LRRTM4: variants seen among roughly 807,000 people sequenced by gnomAD.
LRRTM4 encodes the protein leucine rich repeat transmembrane neuronal 4.
In LRRTM4, 25 loss-of-function variants were observed where a neutral mutation model predicts 47.6. The ratio of observed to expected loss-of-function variants is 0.53; its 90% CI spans 0.38 to 0.73. The LOEUF is 0.73. Ranked by LOEUF, LRRTM4 falls within the 30% of genes least tolerant of loss-of-function variation. The pLI is 0.00. For missense variants in LRRTM4, 638 were observed against 713.4 expected, an observed-to-expected ratio of 0.89 and a Z score of 1.20; for synonymous variants, 311 against 269.5, an observed-to-expected ratio of 1.15 and a Z score of -1.51.
Position 76,907,625 on chromosome 2 carries a change from A to T in LRRTM4, c.1552-158709T>A, listed in dbSNP as rs892525275. On this transcript the variant is annotated intron_variant, in intron 3 of 3. Coordinates refer to ENST00000409884, the MANE Select transcript of LRRTM4 (RefSeq NM_001134745.3). Reference sequence around the variant, plus strand: ...ACTAATAAAGAAAAAAAGAGAGAAGAATCAAATAGACGCAATAAAAAATGA... The same window carrying T: ...ACTAATAAAGAAAAAAAGAGAGAAGTATCAAATAGACGCAATAAAAAATGA... 3.9e-5 allele frequency among the ~76,000 whole-genome samples: 5 copies of T among 129,136 alleles called. 1 individual carries two copies. The highest frequency in any genetic ancestry group is 6.4e-5 in the Non-Finnish European group (4 of 62,986). The allele number at this position is 129,136 out of a possible 152,430, so 84.7% of individuals were successfully genotyped here.
intron 3 of LRRTM4, among the ~76,000 whole-genome samples, chr2:77,048,876 G>A (rs1163169033): frequency 2.0e-5 from 3 of 151,138 alleles, no homozygotes; most frequent in African/African-American, 4.9e-5. Context: ...TTCCAATACA[G>A]CTGTAATTTA....
At chr2:77,035,995 T>G (rs564218637) in intron 3 of LRRTM4, among the ~76,000 whole-genome samples, 1 of 151,670 alleles carries the variant, frequency 6.6e-6, no homozygotes, top group East Asian at 1.9e-4. Flanking sequence ...CTCCAAGAAT[T>G]TGTTTGGATC....
intron 3 of LRRTM4, among the ~76,000 whole-genome samples, chr2:76,787,576 T>A (rs1047882018): frequency 3.6e-5 from 5 of 139,798 alleles, no homozygotes; most frequent in Non-Finnish European, 7.6e-5. Context: ...GTTAGGAAAA[T>A]TTTTTTTTTT....
chr2:77,341,718 G>A (rs1671379431), intron 3 of LRRTM4, among the ~76,000 whole-genome samples: 1 of 151,946 alleles, frequency 6.6e-6, no homozygotes, highest in Admixed American at 6.6e-5. Context: ...TTCTTTTTGG[G>A]GAAAACTAGG....
chr2:77,215,486 G>C (rs932636409), intron 3 of LRRTM4, among the ~76,000 whole-genome samples: 1 of 152,114 alleles, frequency 6.6e-6, no homozygotes, highest in Non-Finnish European at 1.5e-5. Context: ...GTCTAACACT[G>C]TATCTTTAAC....
At chr2:77,367,688 A>G (rs1436679988) in intron 3 of LRRTM4, among the ~76,000 whole-genome samples, 1 of 151,878 alleles carries the variant, frequency 6.6e-6, no homozygotes, top group Non-Finnish European at 1.5e-5. Flanking sequence ...AGTAAAAATA[A>G]CAGAATTGAT....
intron 3 of LRRTM4, among the ~76,000 whole-genome samples, chr2:77,175,445 C>T (rs550862493): frequency 2.0e-5 from 3 of 152,168 alleles, no homozygotes; most frequent in Non-Finnish European, 2.9e-5. Context: ...ATCCAGGGCT[C>T]GTGGCTCTGG....
chr2:77,438,140 T>G (rs1675676351), intron 3 of LRRTM4, among the ~76,000 whole-genome samples: 1 of 152,140 alleles, frequency 6.6e-6, no homozygotes, highest in South Asian at 2.1e-4. Context: ...ACAAACCACA[T>G]TGCCAAACTA....
chr2:76,783,012 A>G (rs1674483722), intron 3 of LRRTM4, among the ~76,000 whole-genome samples: 1 of 152,110 alleles, frequency 6.6e-6, no homozygotes, highest in South Asian at 2.1e-4. Context: ...TCAGCCATAT[A>G]TATATATATA....
intron 3 of LRRTM4, among the ~76,000 whole-genome samples, chr2:77,393,950 T>G (rs1319366484): frequency 6.6e-6 from 1 of 152,010 alleles, no homozygotes; most frequent in African/African-American, 2.4e-5. Flanking sequence ...GTATTAACAT[T>G]TATTCGAAAA....
intron 3 of LRRTM4, among the ~76,000 whole-genome samples, chr2:77,477,164 T>G (rs893454568): frequency 6.6e-6 from 1 of 152,040 alleles, no homozygotes; most frequent in African/African-American, 2.4e-5. Context: ...ATTAGCATCA[T>G]GAAGATAGAG....
chr2:77,389,403 T>A (rs1248305959), intron 3 of LRRTM4, among the ~76,000 whole-genome samples: 1 of 151,960 alleles, frequency 6.6e-6, no homozygotes, highest in Non-Finnish European at 1.5e-5. Context: ...GCTAAATAAG[T>A]TTTGTGATAA....
At chr2:76,834,809 A>T (rs1390548731) in intron 3 of LRRTM4, among the ~76,000 whole-genome samples, 1 of 152,184 alleles carries the variant, frequency 6.6e-6, no homozygotes, top group Non-Finnish European at 1.5e-5. Context: ...AAATAGAAGA[A>T]ATACCAGGGC....
intron 3 of LRRTM4, among the ~76,000 whole-genome samples, chr2:77,220,084 C>T (rs1469726799): frequency 6.6e-6 from 1 of 152,088 alleles, no homozygotes; most frequent in African/African-American, 2.4e-5. Flanking sequence ...CTGCTGATAC[C>T]CAGGCAAACA....
intron 3 of LRRTM4, among the ~76,000 whole-genome samples, chr2:77,112,577 T>C (rs1437357194): frequency 6.7e-6 from 1 of 149,882 alleles, no homozygotes; most frequent in Admixed American, 6.6e-5. Flanking sequence ...GAATCACTTA[T>C]GAAAGGTTTA....
intron 3 of LRRTM4, among the ~76,000 whole-genome samples, chr2:77,410,389 A>T (rs1417651853): frequency 6.6e-6 from 1 of 151,836 alleles, no homozygotes; most frequent in Non-Finnish European, 1.5e-5. Flanking sequence ...GGTACTTGAA[A>T]CCCCTGTTAG....
intron 3 of LRRTM4, among the ~76,000 whole-genome samples, chr2:76,850,146 C>T (rs1228062609): frequency 5.3e-5 from 8 of 152,074 alleles, no homozygotes; most frequent in Non-Finnish European, 1.2e-4. Context: ...CAAGTTAAAC[C>T]CATTACTTTC....
intron 3 of LRRTM4, among the ~76,000 whole-genome samples, chr2:77,120,144 T>C (rs1236787875): frequency 6.6e-6 from 1 of 151,732 alleles, no homozygotes; most frequent in African/African-American, 2.4e-5. Flanking sequence ...AGCTATAAGA[T>C]TGGAAAATGG....
intron 3 of LRRTM4, among the ~76,000 whole-genome samples, chr2:77,138,032 T>G (rs1672001287): frequency 6.6e-6 from 1 of 152,128 alleles, no homozygotes; most frequent in African/African-American, 2.4e-5. Context: ...AATGGGAGAC[T>G]TTAACACCCT....
Sources: allele counts gnomAD v4.1 joint callset (sites outside exome capture counted in the v4.1 genomes callset), GRCh38; gene constraint gnomAD v4.1.1; transcripts MANE v1.5; gene names NCBI Gene and HGNC (gene_info 2026-07-23, HGNC 2026-07-21).